CHLSN: variants seen among roughly 807,000 people sequenced by gnomAD.
CHLSN encodes protein cholesin.
the CHLSN span, among the ~76,000 whole-genome samples, chr7:1,016,174 CA>C: frequency 1.0e-5 from 1 of 97,690 alleles, no homozygotes; most frequent in African/African-American, 5.7e-5. Context: ...CAGCAGCACA[CA>C]GCAGCACACG....
At chr7:1,106,510 G>A in the CHLSN span, among the ~76,000 whole-genome samples, 5 of 151,354 alleles carry the variant, frequency 3.3e-5, no homozygotes, top group African/African-American at 7.4e-5. Context: ...TGGAGGGGCC[G>A]AGAGCTTCCA....
At chr7:1,052,375 C>T in the CHLSN span, among the ~76,000 whole-genome samples, 25,614 of 151,942 alleles carry the variant, frequency 0.17, 2,266 homozygotes, top group Admixed American at 0.21. This position sits in a 1 kb window ranked among gnomAD's most constrained non-coding sequence, Gnocchi z 4.2. Context: ...CTGGCACCGA[C>T]GTGGGCCTGG....
the CHLSN span, chr7:1,092,637 C>T: frequency 8.1e-6 from 13 of 1,612,742 alleles, no homozygotes; most frequent in Non-Finnish European, 1.1e-5. Flanking sequence ...ATGCCCACCC[C>T]CTCACGGGCC....
chr7:1,116,510 A>G, the CHLSN span, among the ~76,000 whole-genome samples: 1 of 82,482 alleles, frequency 1.2e-5, no homozygotes, highest in Non-Finnish European at 2.2e-5. Flanking sequence ...CCCACGCAGG[A>G]TGATGACATC....
At chr7:1,025,463 A>C in the CHLSN span, 1 of 152,394 alleles carries the variant, frequency 6.6e-6, no homozygotes, top group African/African-American at 2.4e-5. Context: ...GACGAGGTGC[A>C]CAAGTCAGGT....
the CHLSN span, among the ~76,000 whole-genome samples, chr7:1,103,413 C>T: frequency 2.6e-5 from 4 of 152,160 alleles, no homozygotes; most frequent in African/African-American, 7.2e-5. Context: ...ACACAACAGT[C>T]GTTAGAATGA....
the CHLSN span, among the ~76,000 whole-genome samples, chr7:1,114,746 G>A: frequency 6.6e-6 from 1 of 152,254 alleles, no homozygotes; most frequent in Non-Finnish European, 1.5e-5. Context: ...AAACCGCGGG[G>A]TGAGCCAGGG....
the CHLSN span, among the ~76,000 whole-genome samples, chr7:1,043,091 C>CAAAA: frequency 7.4e-6 from 1 of 135,164 alleles, no homozygotes; most frequent in African/African-American, 2.8e-5. Flanking sequence ...ATCTCTACTA[C>CAAAA]AAAAAAAAAA....
chr7:984,975 C>T, the CHLSN span: 20 of 1,607,110 alleles, frequency 1.2e-5, no homozygotes, highest in Admixed American at 1.7e-5. Flanking sequence ...CTGGGGCGCG[C>T]TGGAGGGCTG....
chr7:997,610 C>T, the CHLSN span: 1 of 1,561,450 alleles, frequency 6.4e-7, no homozygotes, highest in Non-Finnish European at 8.7e-7. Context: ...GCGGCCCCGC[C>T]CCGCGCTGAA....
At chr7:1,055,355 G>A in the CHLSN span, 1 of 471,022 alleles carries the variant, frequency 2.1e-6, no homozygotes, top group Middle Eastern at 3.3e-4. Flanking sequence ...AGAGCCTGCG[G>A]GTTTGCAGAG....
chr7:1,008,396 C>T, the CHLSN span, among the ~76,000 whole-genome samples: 2 of 152,226 alleles, frequency 1.3e-5, no homozygotes, highest in Admixed American at 6.5e-5. Flanking sequence ...CAGCCAGCAC[C>T]TTGGGTCCCC....
the CHLSN span, among the ~76,000 whole-genome samples, chr7:1,117,479 C>T: frequency 8.4e-5 from 11 of 131,214 alleles, no homozygotes; most frequent in Admixed American, 1.5e-4. Flanking sequence ...TGCAGTTCTA[C>T]GGACCGGCTT....
the CHLSN span, among the ~76,000 whole-genome samples, chr7:1,013,554 C>A: frequency 6.6e-6 from 1 of 152,222 alleles, no homozygotes; most frequent in Non-Finnish European, 1.5e-5. Flanking sequence ...CCAGTGTCCA[C>A]CCCACAGACC....
the CHLSN span, chr7:1,010,177 T>C: frequency 6.3e-7 from 1 of 1,581,672 alleles, no homozygotes; most frequent in South Asian, 1.1e-5. Context: ...GCTTCGGGGA[T>C]GGAGGGTATC....
At chr7:1,050,952 G>A in the CHLSN span, among the ~76,000 whole-genome samples, 2 of 152,216 alleles carry the variant, frequency 1.3e-5, no homozygotes, top group Non-Finnish European at 1.5e-5. Flanking sequence ...TGGAGATGGC[G>A]GCCATGCCGT....
chr7:1,049,516 G>C, the CHLSN span, among the ~76,000 whole-genome samples: 1 of 152,228 alleles, frequency 6.6e-6, no homozygotes, highest in African/African-American at 2.4e-5. Context: ...GCACATGCTT[G>C]CTGCCCGCTC....
chr7:1,020,840 C>A, the CHLSN span, among the ~76,000 whole-genome samples: 18 of 152,212 alleles, frequency 1.2e-4, no homozygotes, highest in Admixed American at 3.3e-4. Context: ...GTGCAGGGGT[C>A]AGGACCCCTC....
At chr7:1,087,162 C>T in the CHLSN span, 1 of 152,258 alleles carries the variant, frequency 6.6e-6, no homozygotes, top group African/African-American at 2.4e-5. Context: ...TTATTCTCCG[C>T]CTGCACGAGA....
Sources: gnomAD v4.1 joint callset for allele counts (sites outside exome capture counted in the v4.1 genomes callset) on GRCh38, gnomAD v4.1.1 for gene constraint, Gnocchi (gnomAD v3.1) non-coding constraint, MANE v1.5 for transcripts, NCBI Gene and HGNC (gene_info 2026-07-23, HGNC 2026-07-21) for gene names.